INTS9: variants seen among roughly 807,000 people sequenced by gnomAD.
INTS9 encodes the protein protein related to CPSF subunits of 74 kDa.
INTS9 carries 55 observed loss-of-function variants against 79.7 expected under a neutral mutation model. The ratio of observed to expected loss-of-function variants is 0.69; its 90% CI spans 0.56 to 0.86. The LOEUF (loss-of-function observed/expected upper bound fraction) is 0.86, where lower values mean the gene tolerates loss of function less well. Ranked by LOEUF, INTS9 falls within the 40% of genes least tolerant of loss-of-function variation. The probability of loss-of-function intolerance (pLI) is 0.00; values close to 1 mark genes in which losing one functional copy is unlikely to be tolerated. For synonymous variants in INTS9, 319 were observed against 325.2 expected, an observed-to-expected ratio of 0.98 and a Z score of 0.20; for missense variants, 721 against 831.5, an observed-to-expected ratio of 0.87 and a Z score of 1.64.
intron 1 of INTS9, among the ~76,000 whole-genome samples, chr8:28,867,725 T>C (rs1224238891): frequency 6.6e-6 from 1 of 152,038 alleles, no homozygotes; most frequent in Admixed American, 6.5e-5. Flanking sequence ...GTCTGTTTTT[T>C]TTTTTTTGCA....
intron 12 of INTS9, among the ~76,000 whole-genome samples, chr8:28,778,662 TC>T (rs1402416799): frequency 6.6e-6 from 1 of 152,004 alleles, no homozygotes; most frequent in African/African-American, 2.4e-5. Flanking sequence ...CAGGGAACAT[TC>T]CCCCAACTCG....
At chr8:28,853,549 C>A (rs966101729) in intron 2 of INTS9, among the ~76,000 whole-genome samples, 2 of 151,826 alleles carry the variant, frequency 1.3e-5, no homozygotes, top group Admixed American at 6.6e-5. Flanking sequence ...AAAAAGGATA[C>A]CATTAAAATT....
chr8:28,876,785 T>C (rs978093820), intron 1 of INTS9, among the ~76,000 whole-genome samples: 1 of 151,992 alleles, frequency 6.6e-6, no homozygotes, highest in Non-Finnish European at 1.5e-5. Flanking sequence ...GCCTGTGTAG[T>C]GAACACAATA....
chr8:28,841,985 G>A (rs1169829547), intron 4 of INTS9, among the ~76,000 whole-genome samples: 1 of 152,230 alleles, frequency 6.6e-6, no homozygotes, highest in South Asian at 2.1e-4. Context: ...GCTACTCGGA[G>A]GCTGAGACAG....
chr8:28,815,840 A>G (rs1414704040), intron 6 of INTS9, among the ~76,000 whole-genome samples: 1 of 152,128 alleles, frequency 6.6e-6, no homozygotes, highest in Non-Finnish European at 1.5e-5. Flanking sequence ...ACTAAATACT[A>G]TAATTGCTAA....
intron 11 of INTS9, among the ~76,000 whole-genome samples, chr8:28,782,042 G>A (rs555517446): frequency 2.4e-4 from 36 of 152,320 alleles, no homozygotes; most frequent in African/African-American, 7.0e-4. Context: ...TATGATTGCC[G>A]TGAACCTAAA....
intron 1 of INTS9, among the ~76,000 whole-genome samples, chr8:28,879,966 C>A (rs540298619): frequency 6.6e-6 from 1 of 152,028 alleles, no homozygotes; most frequent in Non-Finnish European, 1.5e-5. Flanking sequence ...GTGAATGAGG[C>A]ACAACTCTGA....
intron 2 of INTS9, among the ~76,000 whole-genome samples, chr8:28,855,328 G>A (rs1277583872): frequency 6.6e-6 from 1 of 152,232 alleles, no homozygotes; most frequent in East Asian, 1.9e-4. Context: ...GATGAGTGTG[G>A]TGTTTATCCT....
intron 2 of INTS9, among the ~76,000 whole-genome samples, chr8:28,852,728 A>T (rs1439248329): frequency 6.6e-6 from 1 of 152,246 alleles, no homozygotes; most frequent in African/African-American, 2.4e-5. Context: ...GAATATAACT[A>T]ATTTTTTAAA....
chr8:28,864,349 C>G (rs1310364361), intron 1 of INTS9, among the ~76,000 whole-genome samples: 1 of 152,182 alleles, frequency 6.6e-6, no homozygotes, highest in Non-Finnish European at 1.5e-5. Flanking sequence ...TAAGAATTCA[C>G]TATTTCAACA....
intron 8 of INTS9, among the ~76,000 whole-genome samples, chr8:28,801,506 CA>C (rs937939307): frequency 0.081 from 2,196 of 27,052 alleles, 51 homozygotes; most frequent in African/African-American, 0.16. Flanking sequence ...AACAAACAAA[CA>C]AAAAAACAAA....
At chr8:28,839,986 C>T (rs2131201532) in intron 4 of INTS9, among the ~76,000 whole-genome samples, 1 of 142,226 alleles carries the variant, frequency 7.0e-6, no homozygotes, top group South Asian at 2.5e-4. Flanking sequence ...AAAGAAACTA[C>T]CATCAGAGTG....
rs1179322728 is a variant in INTS9 at position 28,880,611 on chromosome 8, A to ACCT, written c.9+9262_9+9263insAGG. 6.1e-5 allele frequency among the ~76,000 whole-genome samples: 9 copies of ACCT among 147,654 alleles called. No homozygotes were observed. In the East Asian group the frequency reaches 1.0e-3, roughly 16 times the overall value. The stretch of plus-strand genomic sequence containing the variant: ...AGCGGCGTGATCTCGGCTCGCTACA[A>ACCT]CCACCTCCCAGCCGCCTGCCTTGGC... On this transcript the variant is annotated intron_variant, in intron 1 of 16. Transcript: ENST00000521022.
chr8:28,865,790 A>G (rs928085219), intron 1 of INTS9, among the ~76,000 whole-genome samples: 1 of 152,334 alleles, frequency 6.6e-6, no homozygotes, highest in South Asian at 2.1e-4. Flanking sequence ...CTTCTAACAC[A>G]TAACTCGTCT....
At chr8:28,802,475 G>A (rs530241619) in intron 8 of INTS9, among the ~76,000 whole-genome samples, 43 of 152,266 alleles carry the variant, frequency 2.8e-4, no homozygotes, top group African/African-American at 7.7e-4. Context: ...AGAGAACCAC[G>A]TGTCTTAGCT....
At chr8:28,852,726 C>T (rs760875259) in intron 2 of INTS9, among the ~76,000 whole-genome samples, 1 of 152,220 alleles carries the variant, frequency 6.6e-6, no homozygotes, top group Admixed American at 6.5e-5. Flanking sequence ...GAGAATATAA[C>T]TAATTTTTTA....
chr8:28,821,525 T>C (rs949893930), intron 6 of INTS9, among the ~76,000 whole-genome samples: 2 of 152,042 alleles, frequency 1.3e-5, no homozygotes, highest in Non-Finnish European at 2.9e-5. Context: ...GCAAACCATA[T>C]AAACACCTGA....
intron 8 of INTS9, among the ~76,000 whole-genome samples, chr8:28,800,633 G>A (rs960410858): frequency 6.6e-6 from 1 of 152,210 alleles, no homozygotes; most frequent in African/African-American, 2.4e-5. Context: ...TGTCATGGCA[G>A]GTGAGGAGAT....
At chr8:28,786,960 A>T (rs373116299) in intron 11 of INTS9, among the ~76,000 whole-genome samples, 4 of 151,302 alleles carry the variant, frequency 2.6e-5, no homozygotes, top group Non-Finnish European at 4.4e-5. Context: ...CTTGTGATCC[A>T]CCCGCCTTGG....
Sources: allele counts gnomAD v4.1 joint callset (sites outside exome capture counted in the v4.1 genomes callset), GRCh38; gene constraint gnomAD v4.1.1; transcripts MANE v1.5; gene names NCBI Gene and HGNC (gene_info 2026-07-23, HGNC 2026-07-21).